Variants in DNASE1L2 observed in about 807,000 individuals in gnomAD.
DNASE1L2 encodes deoxyribonuclease-1-like 2.
DNASE1L2 carries 35 observed loss-of-function variants against 31.8 expected under a neutral mutation model. The ratio of observed to expected loss-of-function variants is 1.10; its 90% CI spans 0.84 to 1.46. The LOEUF is 1.46. Among genes scored for constraint, DNASE1L2 ranks in the 40% most tolerant of loss-of-function variants. The pLI, the probability that DNASE1L2 is intolerant of heterozygous loss-of-function variation, is 0.00. For missense variants in DNASE1L2, 504 were observed against 418.8 expected, an observed-to-expected ratio of 1.20 and a Z score of -1.77; for synonymous variants, 211 against 186.5, an observed-to-expected ratio of 1.13 and a Z score of -1.07.
In DNASE1L2 at chr16:2,237,158, C is replaced by G. The variant is rs560642451; in HGVS notation, c.233+32C>G. On this transcript the variant is annotated intron_variant, in intron 3 of 6. Coordinates refer to ENST00000320700, the MANE Select transcript of DNASE1L2 (RefSeq NM_001374.3). ...TGGGCAGGGCCCCTCGTCGCGACCC[C>G]CCGCCGGGATCTCGCCCCGGCGCGG... is the stretch of plus-strand genomic sequence containing the variant. 2.9e-4 allele frequency: 443 copies of G among 1,548,452 alleles called. No homozygotes were observed. In the African/African-American group the frequency reaches 5.5e-3, roughly 19 times the overall value.
Position 2,236,875 on chromosome 16 carries a change from C to A in DNASE1L2, c.59C>A (p.Ala20Asp), listed in dbSNP as rs191517595. The A allele has an allele frequency of 3.4e-3, 5,422 of 1,597,936 alleles. 26 individuals carry two copies. The highest frequency in any genetic ancestry group is 3.9e-3 in the Non-Finnish European group (4,554 of 1,173,130). Reference sequence around the variant, plus strand: ...TGGGCGCTGGAAGCCGCCGGGACCGCCGCGCTTCGCATCGGAGCCTTCAAC... The same window carrying A: ...TGGGCGCTGGAAGCCGCCGGGACCGACGCGCTTCGCATCGGAGCCTTCAAC... ...ALWALEAAGT[A>D]ALRIGAFNIQ... The change falls in exon 2 of 7, where the codon GCC becomes GAC. Residue 20 changes from alanine (A) to aspartate (D), a missense_variant. By Grantham distance (126) the Ala-to-Asp change is moderately radical. Coordinates refer to ENST00000320700, the MANE Select transcript of DNASE1L2 (RefSeq NM_001374.3).
rs983388997 is a variant in DNASE1L2, at chr16:2,238,415, A to G, written c.897A>G (p.Arg299=). Residue 299 remains arginine, a synonymous_variant, in exon 7 of 7, where the codon CGA becomes CGG. Coordinates refer to ENST00000320700, the MANE Select transcript of DNASE1L2 (RefSeq NM_001374.3). The part of the protein sequence containing the change: ...FPVEVTLKFH[R] The stretch of plus-strand genomic sequence containing the variant: ...TGGAGGTGACCCTCAAGTTCCACCG[A>G]TGACTCGAGGCCTGGCTGGGGCATG... The G allele has an allele frequency of 6.2e-7, 1 of 1,613,454 alleles. No individual in the cohort carries two copies. Among genetic ancestry groups the G allele is most frequent in the African/African-American group, 1.3e-5 (1 of 75,060 alleles).
intron 6 of DNASE1L2, 89 bp from the exon 7 acceptor site, chr16:2,238,273 A>G: frequency 5.8e-6 from 9 of 1,547,796 alleles, no homozygotes; most frequent in Middle Eastern, 1.7e-4. Flanking sequence ...CGCAGGCAGC[A>G]GCAGGGGTGG....
rs202116861 is a variant in DNASE1L2, at chr16:2,237,457, G to T, written c.399G>T (p.Lys133Asn). ...DVFSREPFVV[K>N]FSAPGTGERA... The stretch of plus-strand genomic sequence containing the variant: ...TCAGCCGCGAGCCCTTCGTGGTCAA[G>T]TTCTCGGCCCCCGGCACCGGTGAGC... The change falls in exon 5 of 7, where the codon AAG becomes AAT. Residue 133 changes from lysine to asparagine, a missense_variant. Coordinates refer to ENST00000320700, the MANE Select transcript of DNASE1L2 (RefSeq NM_001374.3). The T allele has an allele frequency of 7.9e-5, 126 of 1,585,980 alleles. 1 individual carries two copies. The East Asian group carries it at 2.6e-3, about 33-fold the overall frequency.
chr16:2,238,027 G>A lies in DNASE1L2; in HGVS notation c.843+9G>A, dbSNP rs773101497. 4 of 1,586,544 alleles carry A rather than the reference G, an allele frequency of 2.5e-6. No homozygotes were observed. Among genetic ancestry groups the A allele is most frequent in the Non-Finnish European group, 3.4e-6 (4 of 1,167,924 alleles). On this transcript the variant is annotated intron_variant, in intron 6 of 6. Transcript: ENST00000320700. ...GCCTGGACCAGACTCAGGCGAGTGG[G>A]CCGTGGGGCGGTGCTGGTCTTGGGT...
Position 2,237,766 on chromosome 16 carries a change from G to C in DNASE1L2, c.592-1G>C. Reference sequence around the variant, plus strand: ...CAGACACGGCTCCGCGGCGCCCGCAGGACATGCTGTTCCTGGGCGACTTCA... The same window carrying C: ...CAGACACGGCTCCGCGGCGCCCGCACGACATGCTGTTCCTGGGCGACTTCA... On this transcript the variant is annotated splice_acceptor_variant, in intron 5 of 6. Coordinates refer to ENST00000320700, the MANE Select transcript of DNASE1L2 (RefSeq NM_001374.3). LOFTEE classifies it high-confidence loss of function. 4 of 1,604,830 alleles carry C rather than the reference G, an allele frequency of 2.5e-6. No individual in the cohort carries two copies. Among genetic ancestry groups the C allele is most frequent in the Non-Finnish European group, 3.4e-6 (4 of 1,176,472 alleles).
In DNASE1L2 at chr16:2,238,069, C is replaced by T. The variant is rs956776194; in HGVS notation, c.843+51C>T. 5.2e-6 allele frequency: 8 copies of T among 1,540,008 alleles called. No homozygotes were observed. In the African/African-American group the frequency reaches 1.1e-4, roughly 21 times the overall value. ...GTCTTGGGTCCCCACCGCCCGGGCG[C>T]ACGCAGGCAGCAGGGAGGGTCCAGC... On this transcript the variant is annotated intron_variant, in intron 6 of 6. Transcript: ENST00000320700.
rs1438189789 is a variant in DNASE1L2 at position 2,238,388 on chromosome 16, AG to A, written c.871del (p.Val291TrpfsTer3). 8.1e-6 allele frequency: 13 copies of A among 1,613,260 alleles called. No individual in the cohort carries two copies. The highest frequency in any genetic ancestry group is 1.1e-5 in the Non-Finnish European group (13 of 1,179,976). ...CTCTTGCCATCAGCGACCACTTTCCAGTGGAGGTGACCCTCAAGTTCCACCG... is the reference window on the plus strand; with the variant it reads ...CTCTTGCCATCAGCGACCACTTTCCATGGAGGTGACCCTCAAGTTCCACCG... ...QALAISDHFP[V>X]EVTLKFHR On this transcript the variant is annotated frameshift_variant, in exon 7 of 7. Transcript: ENST00000320700. LOFTEE classifies it high-confidence loss of function.
chr16:2,237,631 C>G lies in DNASE1L2; in HGVS notation c.573C>G (p.Ile191Met), dbSNP rs370424080. The stretch of plus-strand genomic sequence containing the variant: ...TCTACGACGTGTACCTGGACGTGAT[C>G]GACAAGTGGGGCACCGACGTAAGCC... Reference protein sequence around the residue: ...DALYDVYLDVIDKWGTDDMLF... With the variant: ...DALYDVYLDVMDKWGTDDMLF... The change falls in exon 5 of 7, where the codon ATC becomes ATG. Residue 191 changes from isoleucine (I) to methionine (M), a missense_variant. Physicochemically the swap from Ile to Met is conservative, Grantham distance 10. Coordinates refer to ENST00000320700, the MANE Select transcript of DNASE1L2 (RefSeq NM_001374.3). The G allele has an allele frequency of 7.3e-5, 118 of 1,605,914 alleles. No homozygotes were observed. Among genetic ancestry groups the G allele is most frequent in the Admixed American group, 4.5e-4 (27 of 59,746 alleles).
intron 2 of DNASE1L2, 23 bp downstream of exon 2, chr16:2,236,983 G>A (rs2141485398): frequency 1.9e-6 from 3 of 1,547,648 alleles, no homozygotes; most frequent in South Asian, 2.4e-5. Flanking sequence ...CCGGGGCGGG[G>A]CGGCGTTTAG....
chr16:2,236,842 C>T lies in DNASE1L2; in HGVS notation c.26C>T (p.Ala9Val), dbSNP rs757426045. Residue 9 changes from alanine to valine, a missense_variant, in exon 2 of 7, where the codon GCC (alanine) becomes GTC (valine). By Grantham distance (64) the Ala-to-Val change is moderately conservative. Transcript: ENST00000320700. ...ATGGGCGGGCCCCGGGCTCTGCTGG[C>T]CGCACTCTGGGCGCTGGAAGCCGCC... MGGPRALL[A>V]ALWALEAAGT... 6.3e-7 allele frequency: 1 copy of T among 1,599,404 alleles called. No individual in the cohort carries two copies. The highest frequency in any genetic ancestry group is 8.5e-7 in the Non-Finnish European group (1 of 1,174,834).
At chr16:2,236,604 C>T in intron 1 of DNASE1L2, 44 bp downstream of exon 1, 2 of 1,347,922 alleles carry the variant, frequency 1.5e-6, no homozygotes, top group Non-Finnish European at 1.9e-6. Flanking sequence ...ATGGGCCGGA[C>T]CCTCCATTCC....
Position 2,236,873 on chromosome 16 carries a change from C to T in DNASE1L2, c.57C>T (p.Thr19=), listed in dbSNP as rs774139745. The T allele has an allele frequency of 1.3e-6, 2 of 1,597,570 alleles. No individual in the cohort carries two copies. The highest frequency in any genetic ancestry group is 1.7e-6 in the Non-Finnish European group (2 of 1,173,014). The part of the protein sequence containing the change: ...AALWALEAAG[T]AALRIGAFNI... ...TCTGGGCGCTGGAAGCCGCCGGGAC[C>T]GCCGCGCTTCGCATCGGAGCCTTCA... The change falls in exon 2 of 7, where the codon ACC becomes ACT. Residue 19 remains threonine, a synonymous_variant. Coordinates refer to ENST00000320700, the MANE Select transcript of DNASE1L2 (RefSeq NM_001374.3).
chr16:2,237,455 A>G lies in DNASE1L2; in HGVS notation c.397A>G (p.Lys133Glu), dbSNP rs755713917. The G allele has an allele frequency of 2.5e-6, 4 of 1,586,974 alleles. No homozygotes were observed. Among genetic ancestry groups the G allele is most frequent in the Non-Finnish European group, 2.6e-6 (3 of 1,169,140 alleles). ...CTTCAGCCGCGAGCCCTTCGTGGTC[A>G]AGTTCTCGGCCCCCGGCACCGGTGA... ...DVFSREPFVV[K>E]FSAPGTGERA... Residue 133 changes from lysine to glutamate, a missense_variant, in exon 5 of 7, where the codon AAG (lysine) becomes GAG (glutamate). Coordinates refer to ENST00000320700, the MANE Select transcript of DNASE1L2 (RefSeq NM_001374.3).
Position 2,236,836 on chromosome 16 carries a change from T to A in DNASE1L2, c.20T>A (p.Leu7Gln). 5 of 1,599,056 alleles carry A rather than the reference T, an allele frequency of 3.1e-6. No individual in the cohort carries two copies. The highest frequency in any genetic ancestry group is 4.3e-6 in the Non-Finnish European group (5 of 1,174,934). ...CGCGCCATGGGCGGGCCCCGGGCTC[T>A]GCTGGCCGCACTCTGGGCGCTGGAA... MGGPRALLAALWALEAA... is the reference protein window; with the variant it reads MGGPRAQLAALWALEAA... The change falls in exon 2 of 7, where the codon CTG becomes CAG. Residue 7 changes from leucine (L) to glutamine (Q), a missense_variant. Transcript: ENST00000320700.
At position 2,236,558 on chromosome 16, in the gene DNASE1L2, A is replaced by G; in HGVS notation, c.-42A>G. ...GCCTCGGGCCTCTGCACCCACATCC[A>G]AGGTGAGTCTCTCGGCTGCCCTGAG... On this transcript the variant is annotated splice_region_variant and 5_prime_UTR_variant, in exon 1 of 7. Coordinates refer to ENST00000320700, the MANE Select transcript of DNASE1L2 (RefSeq NM_001374.3). 7.9e-7 allele frequency: 1 copy of G among 1,269,764 alleles called. No individual in the cohort carries two copies. Among genetic ancestry groups the G allele is most frequent in the Non-Finnish European group, 9.9e-7 (1 of 1,010,164 alleles). 78.7% of individuals were successfully genotyped at this position (1,269,764 alleles called of 1,614,324 possible).
In DNASE1L2 at chr16:2,237,226, A is replaced by C. The variant is rs2093514244; in HGVS notation, c.242A>C (p.Glu81Ala). ...GGCCCCTGTCTCCGCAGCGTGTCCGAGCACGAGTACAGCTTTGTGAGCAGC... is the reference window on the plus strand; with the variant it reads ...GGCCCCTGTCTCCGCAGCGTGTCCGCGCACGAGTACAGCTTTGTGAGCAGC... ...ALMEQINSVS[E>A]HEYSFVSSQP... Residue 81 changes from glutamate (E) to alanine (A), a missense_variant, in exon 4 of 7, where the codon GAG becomes GCG. Coordinates refer to ENST00000320700, the MANE Select transcript of DNASE1L2 (RefSeq NM_001374.3). 6.3e-7 allele frequency: 1 copy of C among 1,575,960 alleles called. No homozygotes were observed. The highest frequency in any genetic ancestry group is 8.6e-7 in the Non-Finnish European group (1 of 1,161,656).
rs1567308925 is a variant in DNASE1L2 at position 2,237,227 on chromosome 16, G to GC, written c.244dup (p.His82ProfsTer60). 1 of 1,576,744 alleles carries GC rather than the reference G, an allele frequency of 6.3e-7. No homozygotes were observed. The highest frequency in any genetic ancestry group is 1.3e-5 in the African/African-American group (1 of 74,540). The stretch of plus-strand genomic sequence containing the variant: ...GCCCCTGTCTCCGCAGCGTGTCCGA[G>GC]CACGAGTACAGCTTTGTGAGCAGCC... On this transcript the variant is annotated frameshift_variant, in exon 4 of 7. Coordinates refer to ENST00000320700, the MANE Select transcript of DNASE1L2 (RefSeq NM_001374.3). LOFTEE classifies it high-confidence loss of function.
rs772514934 is a variant in DNASE1L2, at chr16:2,236,792, C to A, written c.-25C>A. The A allele has an allele frequency of 1.9e-6, 3 of 1,574,954 alleles. No homozygotes were observed. Among genetic ancestry groups the A allele is most frequent in the Admixed American group, 1.8e-5 (1 of 56,108 alleles). On this transcript the variant is annotated 5_prime_UTR_variant, in exon 2 of 7. Transcript: ENST00000320700. ...GGTCTGCGTAGGCGGCAGCGTCTGT[C>A]CCTCCCAGCCTCTCGCTCCGCGCCA...
Sources: allele counts gnomAD v4.1 joint callset, GRCh38; gene constraint gnomAD v4.1.1; transcripts MANE v1.5; gene names NCBI Gene and HGNC (gene_info 2026-07-23, HGNC 2026-07-21).